Variants in ANKRD12 observed in about 807,000 individuals in gnomAD.
ANKRD12 encodes ankyrin repeat domain 12.
A neutral mutation model predicts 183.4 loss-of-function variants in ANKRD12; 85 were observed. The ratio of observed to expected loss-of-function variants is 0.46; its 90% CI spans 0.39 to 0.56. ANKRD12 has a LOEUF of 0.56. Ranked by LOEUF, ANKRD12 falls within the 20% of genes least tolerant of loss-of-function variation. ANKRD12 has a pLI of 0.00. For synonymous variants in ANKRD12, 914 were observed against 800.2 expected (o/e 1.14, Z -2.40); for missense variants, 2,405 against 2,357.1 (o/e 1.02, Z -0.42).
In ANKRD12 at chr18:9,255,046, A is replaced by G. The variant is rs747171051; in HGVS notation, c.1779A>G (p.Glu593=). 1.3e-6 allele frequency: 2 copies of G among 1,593,888 alleles called. No homozygotes were observed. The highest frequency in any genetic ancestry group is 2.3e-5 in the South Asian group (2 of 86,406). The change falls in exon 9 of 13, where the codon GAA becomes GAG. Residue 593 remains glutamate (E), a synonymous_variant. Coordinates refer to ENST00000262126, the MANE Select transcript of ANKRD12 (RefSeq NM_015208.5). ...YDNTESEFLP[E]SSSVKSCKHK... is the part of the protein sequence containing the mutation. ...ATACAGAATCTGAATTCTTGCCAGA[A>G]AGTTCAAGTGTAAAATCTTGTAAGC...
intron 4 of ANKRD12, among the ~76,000 whole-genome samples, chr18:9,206,635 T>TA (rs1159764129): frequency 7.2e-5 from 11 of 152,012 alleles, no homozygotes; most frequent in Non-Finnish European, 1.0e-4. Context: ...TGAAAGAAAA[T>TA]AGAGTTTATA....
chr18:9,162,123 CA>C (rs1255588105), intron 1 of ANKRD12, among the ~76,000 whole-genome samples: 1 of 152,046 alleles, frequency 6.6e-6, no homozygotes, highest in African/African-American at 2.4e-5. Context: ...GTTTGCTGCA[CA>C]GATCAACCCA....
chr18:9,263,214 A>G (rs914141586), intron 9 of ANKRD12, among the ~76,000 whole-genome samples: 22 of 152,236 alleles, frequency 1.4e-4, no homozygotes, highest in African/African-American at 5.1e-4. Context: ...ATATTACACT[A>G]CAATATCAAA....
At chr18:9,239,643 G>A in intron 8 of ANKRD12, 1 of 536,020 alleles carries the variant, frequency 1.9e-6, no homozygotes, top group South Asian at 1.9e-5. Flanking sequence ...TGAGGTCCTT[G>A]TTAGATTTAA....
chr18:9,186,973 G>A (rs1040726795), intron 2 of ANKRD12, among the ~76,000 whole-genome samples: 8 of 151,828 alleles, frequency 5.3e-5, no homozygotes, highest in African/African-American at 1.2e-4. Context: ...GGATGGTCTC[G>A]AATGGTCTCA....
intron 4 of ANKRD12, among the ~76,000 whole-genome samples, chr18:9,206,571 TCTTA>T (rs1420441367): frequency 2.0e-5 from 3 of 152,096 alleles, no homozygotes; most frequent in Non-Finnish European, 4.4e-5. Flanking sequence ...GCTGCTGTTT[TCTTA>T]CTTTGCTGTC....
intron 3 of ANKRD12, among the ~76,000 whole-genome samples, chr18:9,204,117 G>A (rs1024563451): frequency 1.3e-5 from 2 of 152,162 alleles, no homozygotes; most frequent in African/African-American, 4.8e-5. Context: ...TGTAAGACAA[G>A]TTCTAAACAG....
intron 10 of ANKRD12, among the ~76,000 whole-genome samples, chr18:9,275,081 C>G (rs2039768923): frequency 6.6e-6 from 1 of 152,054 alleles, no homozygotes; most frequent in South Asian, 2.1e-4. Context: ...GTACTAGCTA[C>G]TCAGAAGGCT....
chr18:9,189,493 A>G (rs2034317039), intron 2 of ANKRD12, among the ~76,000 whole-genome samples: 1 of 152,234 alleles, frequency 6.6e-6, no homozygotes, highest in African/African-American at 2.4e-5. Context: ...CTATTGGAAA[A>G]AGATACCATG....
chr18:9,143,491 C>T (rs938678862), intron 1 of ANKRD12, among the ~76,000 whole-genome samples: 2 of 152,130 alleles, frequency 1.3e-5, no homozygotes, highest in African/African-American at 4.8e-5. Context: ...GACGGAGTTT[C>T]ACACTGTTGC....
At chr18:9,233,582 C>A (rs571026817) in intron 8 of ANKRD12, among the ~76,000 whole-genome samples, 5 of 152,178 alleles carry the variant, frequency 3.3e-5, no homozygotes, top group African/African-American at 1.2e-4. Context: ...AGAGCTTCTT[C>A]CCAAAGATTA....
chr18:9,167,536 A>G (rs2032208184), intron 1 of ANKRD12, among the ~76,000 whole-genome samples: 1 of 152,154 alleles, frequency 6.6e-6, no homozygotes, highest in Non-Finnish European at 1.5e-5. Context: ...ATTGGTGTTT[A>G]AGAATGCTTG....
At chr18:9,185,307 A>G (rs764673206) in intron 2 of ANKRD12, among the ~76,000 whole-genome samples, 11 of 152,342 alleles carry the variant, frequency 7.2e-5, no homozygotes, top group South Asian at 6.2e-4. Flanking sequence ...TTGATAAAAT[A>G]TAAGTAGGAG....
intron 1 of ANKRD12, 48 bp downstream of exon 1, chr18:9,137,013 G>T: frequency 6.5e-6 from 1 of 152,908 alleles, no homozygotes; most frequent in Non-Finnish European, 1.5e-5. Flanking sequence ...AGGAAGGAGG[G>T]GCGCGGTTTC....
At chr18:9,273,952 T>A (rs1304941174) in intron 10 of ANKRD12, among the ~76,000 whole-genome samples, 2 of 152,244 alleles carry the variant, frequency 1.3e-5, no homozygotes, top group African/African-American at 4.8e-5. Context: ...TGGCAAAACC[T>A]GAGTGATTTT....
At chr18:9,214,294 T>C (rs1261362376) in intron 6 of ANKRD12, among the ~76,000 whole-genome samples, 1 of 152,094 alleles carries the variant, frequency 6.6e-6, no homozygotes, top group Non-Finnish European at 1.5e-5. Context: ...AGGCTATACA[T>C]AGCACCATTC....
chr18:9,169,634 A>G (rs1450249175), intron 1 of ANKRD12, among the ~76,000 whole-genome samples: 1 of 152,140 alleles, frequency 6.6e-6, no homozygotes, highest in East Asian at 1.9e-4. Flanking sequence ...TTTCCTGAAT[A>G]CAGCACACTG....
intron 1 of ANKRD12, among the ~76,000 whole-genome samples, chr18:9,163,744 T>C (rs1382150436): frequency 6.6e-6 from 1 of 152,198 alleles, no homozygotes; most frequent in Non-Finnish European, 1.5e-5. Flanking sequence ...GAAGAGGTCC[T>C]TCACCTCCCT....
At chr18:9,231,211 G>T (rs746952694) in intron 8 of ANKRD12, among the ~76,000 whole-genome samples, 3 of 152,196 alleles carry the variant, frequency 2.0e-5, no homozygotes, top group African/African-American at 7.2e-5. Context: ...CTGATGAGAA[G>T]AATGTGTATT....
Sources: gnomAD v4.1 joint callset for allele counts (sites outside exome capture counted in the v4.1 genomes callset) on GRCh38, gnomAD v4.1.1 for gene constraint, MANE v1.5 for transcripts, NCBI Gene and HGNC (gene_info 2026-07-23, HGNC 2026-07-21) for gene names.